NPHP4: variants seen among roughly 807,000 people sequenced by gnomAD.
NPHP4 encodes nephrocystin-4.
A neutral mutation model predicts 155.8 loss-of-function variants in NPHP4; 151 were observed. The ratio of observed to expected loss-of-function variants is 0.97; its 90% CI spans 0.85 to 1.11. The LOEUF is 1.11. Among genes scored for constraint, NPHP4 ranks in the 50% least tolerant of loss-of-function variants. The pLI is 0.00. For missense variants in NPHP4, 1,956 were observed against 1,925.7 expected, an observed-to-expected ratio of 1.02 and a Z score of -0.29; for synonymous variants, 845 against 816.8, an observed-to-expected ratio of 1.03 and a Z score of -0.59.
Position 5,875,138 on chromosome 1 carries a change from C to T in NPHP4, c.2818-38G>A, listed in dbSNP as rs1201057744. ...GGACATGGGTGGACAGGGTCCCAGG[C>T]ACACTCTCCTCCACAAGGGGCTATT... On this transcript the variant is annotated intron_variant, in intron 20 of 29. Transcript: ENST00000378156. 13 of 1,488,238 alleles carry T rather than the reference C, an allele frequency of 8.7e-6. No individual in the cohort carries two copies. The East Asian group carries it at 2.9e-4, about 33-fold the overall frequency. 92.2% of individuals were successfully genotyped at this position (1,488,238 alleles called of 1,614,324 possible).
At chr1:5,922,302 G>A (rs1453692262) in intron 11 of NPHP4, among the ~76,000 whole-genome samples, 1 of 152,214 alleles carries the variant, frequency 6.6e-6, no homozygotes, top group Non-Finnish European at 1.5e-5. Context: ...CAGAATTTTA[G>A]GATAATAAGC....
intron 10 of NPHP4, among the ~76,000 whole-genome samples, chr1:5,928,318 T>C (rs1450239756): frequency 2.0e-5 from 3 of 152,258 alleles, no homozygotes; most frequent in Non-Finnish European, 4.4e-5. Context: ...ACATAATGTA[T>C]AACTTTTGAG....
intron 3 of NPHP4, 77 bp from the exon 4 acceptor site, chr1:5,969,336 C>T (rs965250317): frequency 8.6e-6 from 8 of 926,130 alleles, no homozygotes; most frequent in South Asian, 4.6e-5. Flanking sequence ...TCCCCACCCC[C>T]GAGACCGCCT....
chr1:5,942,270 G>C (rs1646856050), intron 9 of NPHP4, among the ~76,000 whole-genome samples: 1 of 152,124 alleles, frequency 6.6e-6, no homozygotes, highest in Non-Finnish European at 1.5e-5. Flanking sequence ...AGTGGCTCAT[G>C]CCTGTAATCC....
Position 5,944,468 on chromosome 1 carries a change from T to C in NPHP4, c.1119+2636A>G, listed in dbSNP as rs978587862. ...CACAGACGGCCCCGCCATTGTGCCT[T>C]TCTCCTCTCACGTCCCGCTCAATTC... On this transcript the variant is annotated intron_variant, in intron 9 of 29. Coordinates refer to ENST00000378156, the MANE Select transcript of NPHP4 (RefSeq NM_015102.5). This position sits in a 1 kb window ranked among gnomAD's most constrained non-coding sequence, Gnocchi z 4.3. Among the ~76,000 whole-genome samples, 5 of 152,230 alleles carry C rather than the reference T, an allele frequency of 3.3e-5. No homozygotes were observed. The highest frequency in any genetic ancestry group is 1.2e-4 in the African/African-American group (5 of 41,466).
chr1:5,909,093 T>C (rs909621729), intron 12 of NPHP4, 59 bp downstream of exon 12: 14 of 1,376,944 alleles, frequency 1.0e-5, no homozygotes, highest in Non-Finnish European at 1.4e-5. Context: ...GACAGAGGGT[T>C]TTCTTGCAAG....
At chr1:5,884,864 G>T (rs79967260) in intron 18 of NPHP4, among the ~76,000 whole-genome samples, 1 of 136,974 alleles carries the variant, frequency 7.3e-6, no homozygotes, top group African/African-American at 2.8e-5. Context: ...GCTCCCAGCC[G>T]AGCCCCTGTC....
At chr1:5,977,445 C>G (rs1653811659) in intron 3 of NPHP4, among the ~76,000 whole-genome samples, 1 of 152,102 alleles carries the variant, frequency 6.6e-6, no homozygotes, top group Non-Finnish European at 1.5e-5. Context: ...CCACCTAAAG[C>G]AGGTCTCCAC....
chr1:5,989,303 T>C (rs1016329626), intron 1 of NPHP4, among the ~76,000 whole-genome samples: 7 of 152,156 alleles, frequency 4.6e-5, no homozygotes, highest in Admixed American at 1.3e-4. Context: ...TCTGTGGGAC[T>C]TTCTTACAGG....
intron 11 of NPHP4, among the ~76,000 whole-genome samples, chr1:5,917,921 T>G (rs1489240499): frequency 6.6e-6 from 1 of 152,204 alleles, no homozygotes; most frequent in Non-Finnish European, 1.5e-5. Context: ...CTCCCCTTCC[T>G]ACTGGCGCAA....
intron 11 of NPHP4, among the ~76,000 whole-genome samples, chr1:5,916,487 C>G (rs1645478703): frequency 1.3e-5 from 2 of 152,150 alleles, no homozygotes; most frequent in Admixed American, 1.3e-4. Context: ...ATGAATGCAG[C>G]CATAAATCCA....
intron 5 of NPHP4, among the ~76,000 whole-genome samples, chr1:5,962,582 T>C (rs1168329489): frequency 6.6e-6 from 1 of 152,144 alleles, no homozygotes; most frequent in African/African-American, 2.4e-5. Flanking sequence ...GCCAGCAGCA[T>C]CAGAGACAGA....
At chr1:5,880,300 T>A in intron 18 of NPHP4, 61 bp from the exon 19 acceptor site, 2 of 1,576,544 alleles carry the variant, frequency 1.3e-6, no homozygotes, top group East Asian at 2.3e-5. Context: ...ATGAAACAGA[T>A]CAACCCACCA....
At chr1:5,893,688 A>G (rs1371008480) in intron 16 of NPHP4, among the ~76,000 whole-genome samples, 6 of 152,236 alleles carry the variant, frequency 3.9e-5, no homozygotes, top group Non-Finnish European at 8.8e-5. Context: ...CAGGCCCTCC[A>G]CAAGAGATGG....
Position 5,864,415 on chromosome 1 carries a change from G to T in NPHP4, c.3919C>A (p.Leu1307Met). ...RAGSRFVHLNLVDVDCHQLVA... is the reference protein window; with the variant it reads ...RAGSRFVHLNMVDVDCHQLVA... ...AGCTGGTGGCAATCCACGTCCACCA[G>T]GTTGAGATGGACAAAGCGGCTGCCG... The change falls in exon 28 of 30, where the codon CTG (leucine) becomes ATG (methionine). Residue 1307 changes from leucine to methionine, a missense_variant. Coordinates refer to ENST00000378156, the MANE Select transcript of NPHP4 (RefSeq NM_015102.5). The T allele has an allele frequency of 3.7e-6, 6 of 1,611,902 alleles. No individual in the cohort carries two copies. The highest frequency in any genetic ancestry group is 5.1e-6 in the Non-Finnish European group (6 of 1,179,226).
At chr1:5,964,719 T>G (rs987957481) in intron 5 of NPHP4, among the ~76,000 whole-genome samples, 5 of 151,492 alleles carry the variant, frequency 3.3e-5, no homozygotes, top group African/African-American at 1.2e-4. Flanking sequence ...TATTCTTTCT[T>G]TGCAGCCGAC....
At chr1:5,949,985 A>G (rs770775326) in intron 7 of NPHP4, among the ~76,000 whole-genome samples, 3 of 152,168 alleles carry the variant, frequency 2.0e-5, no homozygotes, top group Non-Finnish European at 4.4e-5. Flanking sequence ...AGCAGGTTTT[A>G]AACACAGAAG....
intron 6 of NPHP4, among the ~76,000 whole-genome samples, chr1:5,953,562 G>C (rs1379975307): frequency 6.6e-6 from 1 of 152,206 alleles, no homozygotes; most frequent in Non-Finnish European, 1.5e-5. Context: ...GTGTTACCTT[G>C]AACCATCTGC....
chr1:5,874,776 C>A, intron 21 of NPHP4, 98 bp downstream of exon 21: 1 of 1,527,426 alleles, frequency 6.5e-7, no homozygotes, highest in South Asian at 1.2e-5. Flanking sequence ...TCAAATCGCC[C>A]CGGCTCTCGG....
Sources: gnomAD v4.1 joint callset for allele counts (sites outside exome capture counted in the v4.1 genomes callset) on GRCh38, gnomAD v4.1.1 for gene constraint, Gnocchi (gnomAD v3.1) non-coding constraint, MANE v1.5 for transcripts, NCBI Gene and HGNC (gene_info 2026-07-23, HGNC 2026-07-21) for gene names.